The following PAM variants were observed in gnomAD, a reference collection of about 807,000 sequenced individuals.
The protein encoded by PAM is peptidylglycine alpha-amidating monooxygenase.
Under a neutral mutation model 122.1 loss-of-function variants are expected in PAM, and 72 were observed. The observed-to-expected ratio is 0.59, with a 90% confidence interval of 0.49 to 0.72. The LOEUF (loss-of-function observed/expected upper bound fraction) is 0.72. Among genes scored for constraint, PAM ranks in the 30% least tolerant of loss-of-function variants. The probability of loss-of-function intolerance (pLI) is 0.00; values close to 1 mark genes in which losing one functional copy is unlikely to be tolerated. For missense variants in PAM, 1,106 were observed against 1,183.7 expected, an observed-to-expected ratio of 0.93 and a Z score of 0.96; for synonymous variants, 389 against 404.4, an observed-to-expected ratio of 0.96 and a Z score of 0.46.
intron 4 of PAM, among the ~76,000 whole-genome samples, chr5:102,902,000 A>C (rs1041463954): frequency 6.6e-6 from 1 of 151,652 alleles, no homozygotes; most frequent in African/African-American, 2.4e-5. Context: ...AGAGAGGAAA[A>C]GTGACAAAGC....
intron 4 of PAM, among the ~76,000 whole-genome samples, chr5:102,906,978 A>G (rs1799763937): frequency 6.6e-6 from 1 of 151,706 alleles, no homozygotes; most frequent in Non-Finnish European, 1.5e-5. Context: ...TTTGATATAT[A>G]TCATAATTTT....
At chr5:102,881,129 TACACACAC>T (rs34434423) in intron 3 of PAM, among the ~76,000 whole-genome samples, 1 of 145,708 alleles carries the variant, frequency 6.9e-6, no homozygotes, top group African/African-American at 2.6e-5. Flanking sequence ...TTTTTATACA[TACACACAC>T]ACACACACAC....
At chr5:102,955,863 A>G (rs950965495) in intron 12 of PAM, among the ~76,000 whole-genome samples, 2 of 151,952 alleles carry the variant, frequency 1.3e-5, no homozygotes, top group Non-Finnish European at 2.9e-5. Context: ...ACAGAAAGCA[A>G]TTTGTTTTAA....
At chr5:102,970,496 C>A (rs938674884) in intron 14 of PAM, among the ~76,000 whole-genome samples, 3 of 152,118 alleles carry the variant, frequency 2.0e-5, no homozygotes, top group African/African-American at 7.2e-5. Context: ...CCCACCTCCA[C>A]AACAACTCAA....
rs1785393038 is a variant in PAM at position 102,865,867 on chromosome 5, G to A, written c.-329G>A. The A allele has an allele frequency of 3.3e-6, 1 of 298,772 alleles. No homozygotes were observed. Among genetic ancestry groups the A allele is most frequent in the Middle Eastern group, 9.2e-4 (1 of 1,086 alleles). 18.5% of individuals were successfully genotyped at this position (298,772 alleles called of 1,614,324 possible). A position where few individuals can be genotyped will look rare whatever the true frequency, so the allele number is the denominator to read the frequency against. Reference sequence around the variant, plus strand: ...GCGGGTTTGGGTGATACCCCTCACAGCCCCTGTCATTCCGGAGTCATAAGG... The same window carrying A: ...GCGGGTTTGGGTGATACCCCTCACAACCCCTGTCATTCCGGAGTCATAAGG... On this transcript the variant is annotated 5_prime_UTR_variant, in exon 2 of 26. Coordinates refer to ENST00000438793, the MANE Select transcript of PAM (RefSeq NM_001177306.2).
chr5:102,879,844 T>C (rs1469412864), intron 3 of PAM, among the ~76,000 whole-genome samples: 1 of 152,240 alleles, frequency 6.6e-6, no homozygotes, highest in East Asian at 1.9e-4. Flanking sequence ...TGTACAGGCT[T>C]ACAGCCTAGA....
chr5:102,995,085 A>G (rs1275304528), intron 16 of PAM, among the ~76,000 whole-genome samples: 1 of 151,996 alleles, frequency 6.6e-6, no homozygotes, highest in Non-Finnish European at 1.5e-5. Flanking sequence ...TCAGTTCAAG[A>G]TTTGCTTCGC....
chr5:102,930,362 A>G (rs986037343), intron 7 of PAM, among the ~76,000 whole-genome samples: 8 of 152,140 alleles, frequency 5.3e-5, no homozygotes, highest in African/African-American at 1.9e-4. Flanking sequence ...GTGGAGAGGT[A>G]TGAAGTCTGG....
intron 5 of PAM, among the ~76,000 whole-genome samples, chr5:102,917,477 A>C (rs1374393843): frequency 1.3e-5 from 2 of 152,234 alleles, no homozygotes; most frequent in African/African-American, 4.8e-5. Context: ...AAAAATAACC[A>C]GAAGTCATTC....
At chr5:102,871,043 A>G (rs532484951) in intron 3 of PAM, among the ~76,000 whole-genome samples, 6 of 152,312 alleles carry the variant, frequency 3.9e-5, no homozygotes, top group East Asian at 3.9e-4. Context: ...TATAATTACA[A>G]TGGTTTTCCA....
rs113558767 is a variant in PAM, at chr5:102,980,908, C to T, written c.1483+6472C>T. Among the ~76,000 whole-genome samples the T allele has an allele frequency of 2.8e-3, 421 of 152,200 alleles. 2 individuals carry two copies. Among genetic ancestry groups the T allele is most frequent in the African/African-American group, 8.5e-3 (352 of 41,542 alleles). ...TCCAAACATTCAGTACTAAGAGAAC[C>T]AGGTTGCTCATGGTGTTAGACTTCA... is the stretch of plus-strand genomic sequence containing the variant. On this transcript the variant is annotated intron_variant, in intron 15 of 25. Transcript: ENST00000438793.
chr5:102,904,917 CAT>C (rs931707628), intron 4 of PAM, among the ~76,000 whole-genome samples: 4 of 151,564 alleles, frequency 2.6e-5, no homozygotes, highest in Non-Finnish European at 5.9e-5. Flanking sequence ...TTATGGAACT[CAT>C]ATGTGTATAT....
At chr5:102,883,288 G>A (rs1314964252) in intron 3 of PAM, among the ~76,000 whole-genome samples, 1 of 151,830 alleles carries the variant, frequency 6.6e-6, no homozygotes, top group East Asian at 1.9e-4. Flanking sequence ...GAATTGCATT[G>A]AATTTGTAAA....
chr5:102,821,581 G>A (rs1275199649), intron 1 of PAM, among the ~76,000 whole-genome samples: 1 of 152,114 alleles, frequency 6.6e-6, no homozygotes, highest in Non-Finnish European at 1.5e-5. Flanking sequence ...AATGTCGTTT[G>A]GTTAATAACC....
chr5:102,968,820 C>G (rs747214727), intron 14 of PAM, among the ~76,000 whole-genome samples: 1 of 152,042 alleles, frequency 6.6e-6, no homozygotes, highest in African/African-American at 2.4e-5. Flanking sequence ...TTCCCAATAG[C>G]GAAGACTTGG....
intron 21 of PAM, among the ~76,000 whole-genome samples, chr5:103,014,882 C>T (rs952478658): frequency 2.0e-5 from 3 of 152,134 alleles, no homozygotes; most frequent in Non-Finnish European, 2.9e-5. Context: ...CTTGTGGTCC[C>T]TCATTATCTG....
chr5:102,898,988 A>G (rs1004428432), intron 3 of PAM, among the ~76,000 whole-genome samples: 6 of 151,478 alleles, frequency 4.0e-5, no homozygotes, highest in African/African-American at 1.5e-4. Context: ...AATAACTATG[A>G]TAGAAACTTC....
chr5:102,933,627 T>C (rs1349793431), intron 7 of PAM, among the ~76,000 whole-genome samples: 2 of 152,162 alleles, frequency 1.3e-5, no homozygotes, highest in Admixed American at 1.3e-4. Context: ...GAGCCAGGAA[T>C]GGTAATCATG....
chr5:103,006,757 A>G (rs200512618), intron 18 of PAM, 44 bp from the exon 19 acceptor site: 199 of 1,409,666 alleles, frequency 1.4e-4, no homozygotes, highest in Non-Finnish European at 1.9e-4. Flanking sequence ...TAAGTCACTA[A>G]TAACCATGAA....
Sources: gnomAD v4.1 joint callset for allele counts (sites outside exome capture counted in the v4.1 genomes callset) on GRCh38, gnomAD v4.1.1 for gene constraint, MANE v1.5 for transcripts, NCBI Gene and HGNC (gene_info 2026-07-23, HGNC 2026-07-21) for gene names.